Variants in EFHB observed in about 807,000 individuals in gnomAD.
EFHB encodes the protein EF-hand domain-containing family member B.
EFHB carries 91 observed loss-of-function variants against 87.2 expected under a neutral mutation model. That is an observed-to-expected ratio of 1.04 (90% confidence interval 0.88 to 1.24). The LOEUF (loss-of-function observed/expected upper bound fraction) is 1.24, where lower values mean the gene tolerates loss of function less well. Among genes scored for constraint, EFHB ranks in the 50% most tolerant of loss-of-function variants. The pLI is 0.00. For synonymous variants in EFHB, 325 were observed against 333.6 expected (o/e 0.97, Z 0.28); for missense variants, 1,084 against 998.8 (o/e 1.09, Z -1.15).
intron 1 of EFHB, among the ~76,000 whole-genome samples, chr3:19,924,956 G>T (rs539711361): frequency 7.2e-5 from 11 of 152,012 alleles, no homozygotes; most frequent in African/African-American, 2.7e-4. Flanking sequence ...CTTAAATAGA[G>T]TTAGGATGGC....
At chr3:19,898,907 A>T in intron 7 of EFHB, 62 bp from the exon 8 acceptor site, 1 of 1,544,632 alleles carries the variant, frequency 6.5e-7, no homozygotes, top group Non-Finnish European at 8.9e-7. Context: ...GGAATTTAAA[A>T]TATGTTTGCC....
chr3:19,937,806 A>C (rs1260067944), upstream of EFHB, among the ~76,000 whole-genome samples: 1 of 152,038 alleles, frequency 6.6e-6, no homozygotes, highest in Non-Finnish European at 1.5e-5. Flanking sequence ...ATTTTACCTA[A>C]CTTTCTGCCC....
At chr3:19,892,959 T>C (rs1035093994) in intron 9 of EFHB, among the ~76,000 whole-genome samples, 19 of 129,622 alleles carry the variant, frequency 1.5e-4, no homozygotes, top group African/African-American at 5.2e-4. Context: ...TCTATTTTCT[T>C]TTTTTTTTTT....
chr3:19,930,740 C>CTACA (rs1380393881), intron 1 of EFHB, among the ~76,000 whole-genome samples: 2 of 152,172 alleles, frequency 1.3e-5, no homozygotes, highest in Admixed American at 6.5e-5. Flanking sequence ...GTAGCTAGGA[C>CTACA]TACAGGCACA....
chr3:19,933,975 A>C lies in EFHB; in HGVS notation c.44T>G (p.Leu15Ter). 1 of 1,612,454 alleles carries C rather than the reference A, an allele frequency of 6.2e-7. No individual in the cohort carries two copies. The highest frequency in any genetic ancestry group is 8.5e-7 in the Non-Finnish European group (1 of 1,179,140). The change falls in exon 1 of 13, where the codon TTA (leucine) becomes TGA (stop). Residue 15 changes from leucine (L) to a stop codon, truncating the protein, a stop_gained. Coordinates refer to ENST00000295824, the MANE Select transcript of EFHB (RefSeq NM_144715.4). LOFTEE classifies it high-confidence loss of function. ...TCCCATGATGACCCTCTTGTCTCCT[A>C]AATCATCCTTTCCTTCGTGGGGATG... Reference protein sequence around the residue: ...IGHPHEGKDDLGDKRVIMGTK... With the variant: ...IGHPHEGKDD
In EFHB at chr3:19,885,686, C is replaced by A. The variant is rs116954481; in HGVS notation, c.1934-1071G>T. On this transcript the variant is annotated intron_variant, in intron 10 of 12. Transcript: ENST00000295824. Reference sequence around the variant, plus strand: ...GCTGGTATTAGAGAAGGGTGGATACCGTGGCAAACTAGAAAAGACTTACGT... The same window carrying A: ...GCTGGTATTAGAGAAGGGTGGATACAGTGGCAAACTAGAAAAGACTTACGT... Among the ~76,000 whole-genome samples the A allele has an allele frequency of 6.4e-4, 97 of 152,242 alleles. 5 individuals carry two copies. The East Asian group carries it at 0.011, about 17-fold the overall frequency.
In EFHB at chr3:19,933,428, G is replaced by GGTTA; in HGVS notation, c.587_590dup (p.Gln198AsnfsTer8). The GGTTA allele has an allele frequency of 6.2e-7, 1 of 1,613,942 alleles. No individual in the cohort carries two copies. The highest frequency in any genetic ancestry group is 8.5e-7 in the Non-Finnish European group (1 of 1,179,882). On this transcript the variant is annotated frameshift_variant, in exon 1 of 13. Coordinates refer to ENST00000295824, the MANE Select transcript of EFHB (RefSeq NM_144715.4). LOFTEE classifies it high-confidence loss of function. ...TAGTCTCATCTGGCCCCTCGGCTTG[G>GGTTA]GTTAGTCCAATGTCCACCTCCACAG...
chr3:19,888,151 G>A (rs540657221), intron 10 of EFHB, among the ~76,000 whole-genome samples: 207 of 152,064 alleles, frequency 1.4e-3, no homozygotes, highest in Non-Finnish European at 2.6e-3. Context: ...ATGTATAAAT[G>A]TATATTTTTA....
Position 19,934,194 on chromosome 3 carries a change from T to G in EFHB, c.-176A>C, listed in dbSNP as rs372967210. 3 of 1,439,286 alleles carry G rather than the reference T, an allele frequency of 2.1e-6. No individual in the cohort carries two copies. The highest frequency in any genetic ancestry group is 2.5e-5 in the East Asian group (1 of 40,156). 89.2% of individuals were successfully genotyped at this position (1,439,286 alleles called of 1,614,324 possible). A position where few individuals can be genotyped will look rare whatever the true frequency, so the allele number is the denominator to read the frequency against. ...GCCTGCCTCTTAACACCTAGCCGAG[T>G]TCACAGAGGAAAAGATGGAGTCTGT... On this transcript the variant is annotated 5_prime_UTR_variant, in exon 1 of 13. Transcript: ENST00000295824.
intron 4 of EFHB, among the ~76,000 whole-genome samples, chr3:19,916,055 G>A (rs146743507): frequency 1.3e-5 from 2 of 152,316 alleles, no homozygotes; most frequent in African/African-American, 4.8e-5. Context: ...TCCTGATCCT[G>A]AGAATCTCTG....
rs1331261408 is a variant in EFHB at position 19,918,355 on chromosome 3, T to C, written c.1054A>G (p.Lys352Glu). The C allele has an allele frequency of 1.2e-6, 2 of 1,611,732 alleles. No individual in the cohort carries two copies. Among genetic ancestry groups the C allele is most frequent in the Admixed American group, 1.7e-5 (1 of 59,678 alleles). Reference sequence around the variant, plus strand: ...TTGCTAAGATATATAGATTCTTTTTTATCTTTAATTTTCTGTTGAAATGTG... The same window carrying C: ...TTGCTAAGATATATAGATTCTTTTTCATCTTTAATTTTCTGTTGAAATGTG... ...ITTFQQKIKDKKESIYLSNRR... is the reference protein window; with the variant it reads ...ITTFQQKIKDEKESIYLSNRR... Residue 352 changes from lysine to glutamate, a missense_variant, in exon 4 of 13, where the codon AAA becomes GAA. Transcript: ENST00000295824.
Position 19,933,707 on chromosome 3 carries a change from C to CA in EFHB, c.311dup (p.Leu105ValfsTer10). 6.2e-7 allele frequency: 1 copy of CA among 1,613,990 alleles called. No individual in the cohort carries two copies. Among genetic ancestry groups the CA allele is most frequent in the Non-Finnish European group, 8.5e-7 (1 of 1,179,880 alleles). On this transcript the variant is annotated frameshift_variant, in exon 1 of 13. Transcript: ENST00000295824. LOFTEE classifies it high-confidence loss of function. ...TTTCTAACCCCATTCTTCCTGGCAA[C>CA]AGAGAAGGTTTTGTTCCCTGTGAAG... is the stretch of plus-strand genomic sequence containing the variant.
At chr3:19,931,289 C>G (rs551948601) in intron 1 of EFHB, among the ~76,000 whole-genome samples, 1 of 152,358 alleles carries the variant, frequency 6.6e-6, no homozygotes, top group East Asian at 1.9e-4. Context: ...CTCCTTGACA[C>G]TCTCTTTCTT....
chr3:19,908,921 T>C (rs996674012), intron 5 of EFHB, among the ~76,000 whole-genome samples: 8 of 151,972 alleles, frequency 5.3e-5, no homozygotes, highest in Non-Finnish European at 1.2e-4. Flanking sequence ...AATGATTTAA[T>C]GGCTGAATGG....
Position 19,888,606 on chromosome 3 carries a change from C to T in EFHB, c.1771G>A (p.Asp591Asn), listed in dbSNP as rs1231761944. 4 of 1,607,398 alleles carry T rather than the reference C, an allele frequency of 2.5e-6. No individual in the cohort carries two copies. The East Asian group carries it at 6.7e-5, about 27-fold the overall frequency. The change falls in exon 10 of 13, where the codon GAC becomes AAC. Residue 591 changes from aspartate to asparagine, a missense_variant. By Grantham distance (23) the Asp-to-Asn change is conservative (BLOSUM62 1). Coordinates refer to ENST00000295824, the MANE Select transcript of EFHB (RefSeq NM_144715.4). Reference sequence around the variant, plus strand: ...TCATCTAAACTCAAGTTGGCCTGGTCACAAGCTTCCTGCAGCTCGTCTTTA... The same window carrying T: ...TCATCTAAACTCAAGTTGGCCTGGTTACAAGCTTCCTGCAGCTCGTCTTTA... The part of the protein sequence containing the change: ...IDKDELQEAC[D>N]QANLSLDDKL...
chr3:19,906,838 A>C (rs976761442), intron 5 of EFHB, among the ~76,000 whole-genome samples: 4 of 152,160 alleles, frequency 2.6e-5, no homozygotes, highest in Non-Finnish European at 5.9e-5. Context: ...TAATTAGAAC[A>C]GTATGGTACT....
chr3:19,914,332 AC>A (rs1695155692), intron 5 of EFHB, among the ~76,000 whole-genome samples: 1 of 152,108 alleles, frequency 6.6e-6, no homozygotes, highest in Admixed American at 6.5e-5. Context: ...GAGTTTATAA[AC>A]CATGCACAAT....
At chr3:19,900,072 CAAAAAAATA>C (rs1234740460) in intron 6 of EFHB, among the ~76,000 whole-genome samples, 3 of 151,030 alleles carry the variant, frequency 2.0e-5, no homozygotes, top group Non-Finnish European at 4.4e-5. Flanking sequence ...GACCCTGTCT[CAAAAAAATA>C]AAATAAAGTA....
At chr3:19,888,125 C>A (rs1343980067) in intron 10 of EFHB, among the ~76,000 whole-genome samples, 1 of 152,024 alleles carries the variant, frequency 6.6e-6, no homozygotes, top group East Asian at 1.9e-4. Flanking sequence ...CATGCATAAA[C>A]AAGCAAATAA....
Sources: allele counts gnomAD v4.1 joint callset (sites outside exome capture counted in the v4.1 genomes callset), GRCh38; gene constraint gnomAD v4.1.1; transcripts MANE v1.5; gene names NCBI Gene and HGNC (gene_info 2026-07-23, HGNC 2026-07-21).